The following CASP8 variants were observed in gnomAD, a reference collection of about 807,000 sequenced individuals.
CASP8 encodes caspase-8.
Under a neutral mutation model 46.3 loss-of-function variants are expected in CASP8, and 24 were observed. The ratio of observed to expected loss-of-function variants is 0.52; its 90% CI spans 0.38 to 0.73. The LOEUF is 0.73. CASP8 is among the 30% of genes least tolerant of loss of function. The probability of loss-of-function intolerance (pLI) is 0.00; values close to 1 mark genes in which losing one functional copy is unlikely to be tolerated. For missense variants in CASP8, 460 were observed against 559.0 expected, an observed-to-expected ratio of 0.82 and a Z score of 1.79; for synonymous variants, 188 against 200.4, an observed-to-expected ratio of 0.94 and a Z score of 0.52.
In CASP8 at chr2:201,287,042, T is replaced by C. The variant is rs1440531328; in HGVS notation, c.*448T>C. 9.7e-6 allele frequency: 2 copies of C among 206,328 alleles called. No homozygotes were observed. Among genetic ancestry groups the C allele is most frequent in the African/African-American group, 4.7e-5 (2 of 42,524 alleles). 12.8% of individuals were successfully genotyped at this position (206,328 alleles called of 1,614,324 possible). A position where few individuals can be genotyped will look rare whatever the true frequency, so the allele number is the denominator to read the frequency against. On this transcript the variant is annotated 3_prime_UTR_variant, in exon 9 of 9. Coordinates refer to ENST00000673742, the MANE Select transcript of CASP8 (RefSeq NM_001372051.1). ...AATAGGATATTAACAACAATAACAC[T>C]GTCTCCTTTCTCTTATGCTTAAGGC...
At chr2:201,250,123 C>T (rs906191263) in intron 2 of CASP8, among the ~76,000 whole-genome samples, 1 of 152,126 alleles carries the variant, frequency 6.6e-6, no homozygotes, top group Non-Finnish European at 1.5e-5. Flanking sequence ...CTGGCAGAAG[C>T]TTATCAAGGC....
intron 2 of CASP8, among the ~76,000 whole-genome samples, chr2:201,252,138 T>A (rs1180613312): frequency 6.6e-6 from 1 of 152,246 alleles, no homozygotes; most frequent in Non-Finnish European, 1.5e-5. Flanking sequence ...TTTCATATGC[T>A]TATTTGCCAT....
intron 1 of CASP8, among the ~76,000 whole-genome samples, chr2:201,263,661 G>T (rs563565183): frequency 2.0e-5 from 3 of 152,176 alleles, no homozygotes; most frequent in African/African-American, 7.2e-5. Context: ...AGGGATGGGG[G>T]AAAGGAAGTC....
intron 2 of CASP8, among the ~76,000 whole-genome samples, chr2:201,236,409 C>T (rs1009365174): frequency 1.3e-5 from 2 of 152,024 alleles, no homozygotes; most frequent in African/African-American, 4.8e-5. Flanking sequence ...GTTGTCCAGG[C>T]CAATAACAAA....
At chr2:201,253,020 C>T (rs973556823) in intron 2 of CASP8, among the ~76,000 whole-genome samples, 4 of 151,962 alleles carry the variant, frequency 2.6e-5, no homozygotes, top group South Asian at 2.1e-4. Context: ...GGGCTCGCTC[C>T]GTCCCCCAGG....
In CASP8 at chr2:201,286,788, T is replaced by A. The variant is rs577963682; in HGVS notation, c.*194T>A. The A allele has an allele frequency of 2.0e-5, 10 of 490,460 alleles. No homozygotes were observed. The highest frequency in any genetic ancestry group is 2.6e-5 in the Non-Finnish European group (7 of 269,292). The allele number at this position is 490,460 out of a possible 1,614,324, so 30.4% of individuals were successfully genotyped here. ...CCGCCACCACACCTGGCTAATTTTT[T>A]AAAAATATTTTTAGTAGAGACAGGG... is the stretch of plus-strand genomic sequence containing the variant. On this transcript the variant is annotated 3_prime_UTR_variant, in exon 9 of 9. Coordinates refer to ENST00000673742, the MANE Select transcript of CASP8 (RefSeq NM_001372051.1).
chr2:201,246,957 G>A (rs1282555135), intron 2 of CASP8, among the ~76,000 whole-genome samples: 1 of 152,036 alleles, frequency 6.6e-6, no homozygotes, highest in Admixed American at 6.6e-5. Context: ...AGCACTTTGG[G>A]AGGCCGAGGT....
chr2:201,272,640 C>G lies in CASP8; in HGVS notation c.414C>G (p.Asn138Lys), dbSNP rs746428268. 1.2e-6 allele frequency: 2 copies of G among 1,613,898 alleles called. No homozygotes were observed. The highest frequency in any genetic ancestry group is 2.2e-5 in the South Asian group (2 of 91,086). ...ISKCKLDDDMNLLDIFIEMEK... is the reference protein window; with the variant it reads ...ISKCKLDDDMKLLDIFIEMEK... ...AACTTTATTTCTCCTCCTCTTAGAA[C>G]CTGCTGGATATTTTCATAGAGATGG... Residue 138 changes from asparagine to lysine, a missense_variant and splice_region_variant, in exon 4 of 9, where the codon AAC (asparagine) becomes AAG (lysine). Coordinates refer to ENST00000673742, the MANE Select transcript of CASP8 (RefSeq NM_001372051.1). This position sits in a 1 kb window ranked among gnomAD's most constrained non-coding sequence, Gnocchi z 4.4.
chr2:201,237,085 ATT>A (rs34775964), intron 2 of CASP8, among the ~76,000 whole-genome samples: 135 of 88,078 alleles, frequency 1.5e-3, no homozygotes, highest in Admixed American at 3.3e-3. Context: ...ACCCCTTTCT[ATT>A]TTTTTTTTTT....
rs1466795112 is a variant in CASP8 at position 201,271,772 on chromosome 2, A to ATG, written c.411+154_411+155dup. On this transcript the variant is annotated intron_variant, in intron 3 of 8. Coordinates refer to ENST00000673742, the MANE Select transcript of CASP8 (RefSeq NM_001372051.1). Reference sequence around the variant, plus strand: ...AAAGTTGTCAGCACGAGTGTTACAGATGTGATTCCTTTAGACCGAAGTGCT... The same window carrying ATG: ...AAAGTTGTCAGCACGAGTGTTACAGATGTGTGATTCCTTTAGACCGAAGTGCT... 1.2e-5 allele frequency: 8 copies of ATG among 694,048 alleles called. No individual in the cohort carries two copies. In the African/African-American group the frequency reaches 1.4e-4, roughly 12 times the overall value. The allele number at this position is 694,048 out of a possible 1,614,324, so 43.0% of individuals were successfully genotyped here.
At position 201,250,868 on chromosome 2, in the gene CASP8, C is replaced by T. The variant is rs35454745; in HGVS notation, c.-26-15593C>T. Among the ~76,000 whole-genome samples the T allele has an allele frequency of 6.1e-3, 936 of 152,298 alleles. 11 individuals are homozygous for T. The highest frequency in any genetic ancestry group is 0.019 in the African/African-American group (795 of 41,556). ...CCAAATGAATAATGCCATGTAGAAC[C>T]GTTACAATATTGTACAGAATAATTT... On this transcript the variant is annotated intron_variant, in intron 2 of 6. Coordinates refer to the CASP8 transcript ENST00000264274.
chr2:201,269,468 AG>A (rs35496483), intron 2 of CASP8: 1 of 1,403,858 alleles, frequency 7.1e-7, no homozygotes, highest in South Asian at 1.2e-5. Flanking sequence ...AGGAAAGCCG[AG>A]GGGGGTCTCA....
chr2:201,239,224 C>T (rs572572936), intron 2 of CASP8, among the ~76,000 whole-genome samples: 10 of 152,360 alleles, frequency 6.6e-5, no homozygotes, highest in South Asian at 2.1e-4. Context: ...ACCTTTCCCC[C>T]CTTTCTGTTC....
At position 201,285,112 on chromosome 2, in the gene CASP8, A is replaced by G; in HGVS notation, c.1099A>G (p.Lys367Glu). ...IQACQGDNYQKGIPVETDSEE... is the reference protein window; with the variant it reads ...IQACQGDNYQEGIPVETDSEE... ...GGCTTGTCAGGGGGATAACTACCAGAAAGGTATACCTGTTGAGACTGATTC... is the reference window on the plus strand; with the variant it reads ...GGCTTGTCAGGGGGATAACTACCAGGAAGGTATACCTGTTGAGACTGATTC... The change falls in exon 8 of 9, where the codon AAA (lysine) becomes GAA (glutamate). Residue 367 changes from lysine (K) to glutamate (E), a missense_variant. Transcript: ENST00000673742. 6.2e-7 allele frequency: 1 copy of G among 1,614,198 alleles called. No individual in the cohort carries two copies. Among genetic ancestry groups the G allele is most frequent in the Non-Finnish European group, 8.5e-7 (1 of 1,180,034 alleles).
chr2:201,253,293 C>CTT (rs34341476), intron 2 of CASP8, among the ~76,000 whole-genome samples: 22,227 of 67,810 alleles, frequency 0.33, 6,469 homozygotes, highest in Non-Finnish European at 0.44. Context: ...CTAGCCTGAT[C>CTT]TTTTTTTTTT....
intron 2 of CASP8, among the ~76,000 whole-genome samples, chr2:201,237,466 GAAAAGAA>G (rs971728211): frequency 5.7e-5 from 8 of 139,290 alleles, no homozygotes; most frequent in African/African-American, 1.3e-4. Flanking sequence ...AAGGAAAAAA[GAAAAGAA>G]AAAAGAAAAA....
rs34775964 is a variant in CASP8 at position 201,237,085 on chromosome 2, A to ATTTTTT, written c.-27+2991_-27+2996dup. The stretch of plus-strand genomic sequence containing the variant: ...CTTTTCCCCAGTATGACCCCTTTCT[A>ATTTTTT]TTTTTTTTTTTTTTTTTTTTTTTGA... On this transcript the variant is annotated intron_variant, in intron 2 of 6. Coordinates refer to the CASP8 transcript ENST00000264274. Among the ~76,000 whole-genome samples the ATTTTTT allele has an allele frequency of 1.3e-3, 114 of 88,078 alleles. 5 individuals carry two copies. The highest frequency in any genetic ancestry group is 4.7e-3 in the African/African-American group (101 of 21,564). The allele number at this position is 88,078 out of a possible 152,430, so 57.8% of individuals were successfully genotyped here.
At chr2:201,261,251 C>T (rs529193338) in intron 1 of CASP8, among the ~76,000 whole-genome samples, 1 of 152,074 alleles carries the variant, frequency 6.6e-6, no homozygotes, top group South Asian at 2.1e-4. Context: ...ATTAGCCGGG[C>T]ATGATGGCGC....
chr2:201,276,867 GA>G lies in CASP8; in HGVS notation c.702del (p.Tyr235ThrfsTer3). ...TACCAAATGAAAAGCAAACCTCGGG[GA>G]TACTGTCTGATCATCAACAATCACA... is the stretch of plus-strand genomic sequence containing the variant. ...KVYQMKSKPR[G>X]YCLIINNHNF... is the part of the protein sequence containing the mutation. On this transcript the variant is annotated frameshift_variant, in exon 7 of 9. Transcript: ENST00000673742. LOFTEE classifies it high-confidence loss of function. 2 of 1,614,078 alleles carry G rather than the reference GA, an allele frequency of 1.2e-6. No individual in the cohort carries two copies. The highest frequency in any genetic ancestry group is 1.7e-6 in the Non-Finnish European group (2 of 1,179,970).
Sources: allele counts gnomAD v4.1 joint callset (sites outside exome capture counted in the v4.1 genomes callset), GRCh38; gene constraint gnomAD v4.1.1; non-coding constraint Gnocchi (gnomAD v3.1); transcripts MANE v1.5; gene names NCBI Gene and HGNC (gene_info 2026-07-23, HGNC 2026-07-21).